AMBRA1: variants seen among roughly 807,000 people sequenced by gnomAD.
AMBRA1 encodes activating molecule in BECN1-regulated autophagy protein 1.
In AMBRA1, 47 loss-of-function variants were observed where a neutral mutation model predicts 125.4. The observed-to-expected ratio is 0.37, with a 90% CI of 0.30 to 0.48. The LOEUF (loss-of-function observed/expected upper bound fraction) is 0.48. Ranked by LOEUF, AMBRA1 falls within the 20% of genes least tolerant of loss-of-function variation. AMBRA1 has a pLI of 0.99. For synonymous variants in AMBRA1, 626 were observed against 655.5 expected (o/e 0.95, Z 0.69); for missense variants, 1,331 against 1,693.4 (o/e 0.79, Z 3.76).
chr11:46,547,039 A>AGAT, intron 4 of AMBRA1, 74 bp downstream of exon 4: 1 of 1,424,352 alleles, frequency 7.0e-7, no homozygotes, highest in South Asian at 1.4e-5. Context: ...CCACTGGGCA[A>AGAT]CAGAGCGAGA....
chr11:46,563,579 C>A (rs1461720184), intron 1 of AMBRA1, among the ~76,000 whole-genome samples: 3 of 152,122 alleles, frequency 2.0e-5, no homozygotes, highest in African/African-American at 7.2e-5. Context: ...GTGGCTCATG[C>A]CTGTAATTCC....
chr11:46,495,920 T>TTCA (rs1950613923), intron 9 of AMBRA1, among the ~76,000 whole-genome samples: 1 of 152,154 alleles, frequency 6.6e-6, no homozygotes, highest in Non-Finnish European at 1.5e-5. Flanking sequence ...AAAAGGATCC[T>TTCA]AAGCGGGGGA....
intron 11 of AMBRA1, among the ~76,000 whole-genome samples, chr11:46,474,369 TA>T (rs1240507535): frequency 6.6e-6 from 1 of 152,148 alleles, no homozygotes; most frequent in Non-Finnish European, 1.5e-5. Context: ...CTTCTCAACA[TA>T]AACAGAGGCC....
At chr11:46,582,734 T>G (rs948425290) in intron 1 of AMBRA1, among the ~76,000 whole-genome samples, 1 of 152,112 alleles carries the variant, frequency 6.6e-6, no homozygotes, top group Non-Finnish European at 1.5e-5. Context: ...AGTACTTACG[T>G]CATAAGGTTG....
chr11:46,592,327 T>G (rs2044631912), intron 1 of AMBRA1, among the ~76,000 whole-genome samples: 1 of 152,114 alleles, frequency 6.6e-6, no homozygotes, highest in African/African-American at 2.4e-5. Flanking sequence ...CCCCAGACTT[T>G]CCAAGCTGGG....
chr11:46,467,997 C>A (rs1590882372), intron 11 of AMBRA1, among the ~76,000 whole-genome samples: 1 of 152,246 alleles, frequency 6.6e-6, no homozygotes, highest in South Asian at 2.1e-4. Flanking sequence ...TGGCCTCAAT[C>A]AGGGCTAGAA....
chr11:46,544,962 C>T (rs985567704), intron 5 of AMBRA1, among the ~76,000 whole-genome samples: 2 of 151,644 alleles, frequency 1.3e-5, no homozygotes, highest in South Asian at 2.1e-4. Flanking sequence ...CAAATCTCTA[C>T]GAAAAAATTT....
intron 14 of AMBRA1, among the ~76,000 whole-genome samples, chr11:46,431,622 C>T (rs1469358087): frequency 1.3e-5 from 2 of 152,216 alleles, no homozygotes; most frequent in Non-Finnish European, 2.9e-5. Context: ...GTCAGAGCTA[C>T]CAACATCAGA....
chr11:46,401,929 A>C (rs572988720), intron 17 of AMBRA1, among the ~76,000 whole-genome samples: 2 of 152,268 alleles, frequency 1.3e-5, no homozygotes, highest in South Asian at 4.1e-4. Flanking sequence ...CTCTCTGGCC[A>C]GACCCTTATC....
At chr11:46,502,477 C>T (rs748084337) in intron 9 of AMBRA1, among the ~76,000 whole-genome samples, 10 of 152,170 alleles carry the variant, frequency 6.6e-5, no homozygotes, top group Admixed American at 2.6e-4. Flanking sequence ...CCCTCTCTGA[C>T]GATTTTACTT....
intron 1 of AMBRA1, among the ~76,000 whole-genome samples, chr11:46,554,852 G>A (rs1363446983): frequency 1.3e-5 from 2 of 152,124 alleles, no homozygotes; most frequent in African/African-American, 4.8e-5. Context: ...TAGTCTTTGT[G>A]ATACCGTCAC....
At chr11:46,587,685 T>A (rs1591203649) in intron 1 of AMBRA1, among the ~76,000 whole-genome samples, 1 of 152,214 alleles carries the variant, frequency 6.6e-6, no homozygotes, top group Non-Finnish European at 1.5e-5. Flanking sequence ...CCCTTGTTTA[T>A]TTCCTTCAGA....
chr11:46,576,051 G>A (rs1334664899), intron 1 of AMBRA1, among the ~76,000 whole-genome samples: 1 of 152,110 alleles, frequency 6.6e-6, no homozygotes, highest in African/African-American at 2.4e-5. Context: ...CACACTCTAT[G>A]GAAGCTGCAG....
intron 7 of AMBRA1, among the ~76,000 whole-genome samples, chr11:46,517,155 T>C (rs2135073408): frequency 6.6e-6 from 1 of 150,706 alleles, no homozygotes; most frequent in African/African-American, 2.4e-5. Flanking sequence ...GCTTTTTTTT[T>C]TTTTTTTTTT....
intron 9 of AMBRA1, chr11:46,494,462 C>A: frequency 2.7e-6 from 1 of 373,042 alleles, no homozygotes. Flanking sequence ...GGTCCCTTAG[C>A]GTCTCAAACT....
intron 7 of AMBRA1, among the ~76,000 whole-genome samples, chr11:46,524,110 C>T (rs184386444): frequency 1.1e-4 from 17 of 152,166 alleles, no homozygotes; most frequent in East Asian, 5.8e-4. Context: ...TCGGGTGATC[C>T]GCCCACCTCG....
intron 9 of AMBRA1, among the ~76,000 whole-genome samples, chr11:46,503,059 TCAAAAAA>T (rs1331122838): frequency 4.3e-5 from 2 of 45,990 alleles, no homozygotes; most frequent in South Asian, 6.3e-4. Context: ...AGACTCTGTC[TCAAAAAA>T]AAAAAAAAAA....
chr11:46,537,294 C>T (rs1162196531), intron 7 of AMBRA1, among the ~76,000 whole-genome samples: 1 of 152,214 alleles, frequency 6.6e-6, no homozygotes, highest in Non-Finnish European at 1.5e-5. Context: ...TTTGAAGGCA[C>T]TTATTTCAAA....
At chr11:46,437,580 T>C (rs1210774902) in intron 12 of AMBRA1, among the ~76,000 whole-genome samples, 1 of 152,222 alleles carries the variant, frequency 6.6e-6, no homozygotes, top group Admixed American at 6.5e-5. Context: ...ACATTTGCTG[T>C]TTGTTGTCTA....
Sources: allele counts gnomAD v4.1 joint callset (sites outside exome capture counted in the v4.1 genomes callset), GRCh38; gene constraint gnomAD v4.1.1; transcripts MANE v1.5; gene names NCBI Gene and HGNC (gene_info 2026-07-23, HGNC 2026-07-21).